The following URGCP variants were observed in gnomAD, a reference collection of about 807,000 sequenced individuals.
The protein encoded by URGCP is up-regulator of cell proliferation.
URGCP carries 13 observed loss-of-function variants against 24.6 expected under a neutral mutation model. That is an observed-to-expected ratio of 0.53 (90% CI 0.34 to 0.84). The LOEUF is 0.84. URGCP is among the 40% of genes least tolerant of loss of function. The pLI, the probability that URGCP is intolerant of heterozygous loss-of-function variation, is 0.01. For synonymous variants in URGCP, 444 were observed against 487.2 expected, an observed-to-expected ratio of 0.91 and a Z score of 1.17; for missense variants, 899 against 1,194.3, an observed-to-expected ratio of 0.75 and a Z score of 3.64.
intron 1 of URGCP, among the ~76,000 whole-genome samples, chr7:43,924,459 CATAA>C (rs1349639040): frequency 6.6e-6 from 1 of 152,134 alleles, no homozygotes; most frequent in African/African-American, 2.4e-5. Context: ...ATTATTAGCA[CATAA>C]ATAACCATTT....
In URGCP at chr7:43,878,158, A is replaced by G; in HGVS notation, c.1305T>C (p.Val435=). ...DSFVKRIRAI[V]GNVLRAPCRR... is the part of the protein sequence containing the mutation. Reference sequence around the variant, plus strand: ...TGCAGGGTGCCCGCAGCACATTCCCAACGATGGCCCGGATCCTCTTCACGA... The same window carrying G: ...TGCAGGGTGCCCGCAGCACATTCCCGACGATGGCCCGGATCCTCTTCACGA... The change falls in exon 6 of 6, where the codon GTT becomes GTC. Residue 435 remains valine, a synonymous_variant. Coordinates refer to ENST00000453200, the MANE Select transcript of URGCP (RefSeq NM_001077663.3). The surrounding 1 kb of genome is among the most constrained non-coding windows in gnomAD (Gnocchi z 5.6). 1.2e-6 allele frequency: 2 copies of G among 1,614,170 alleles called. No homozygotes were observed. The highest frequency in any genetic ancestry group is 1.7e-6 in the Non-Finnish European group (2 of 1,180,026).
At chr7:43,883,362 A>ATATATAT (rs1554289259) in intron 3 of URGCP, among the ~76,000 whole-genome samples, 22 of 88,286 alleles carry the variant, frequency 2.5e-4, no homozygotes, top group African/African-American at 1.1e-3. Flanking sequence ...ATATATATAT[A>ATATATAT]TTTTTTTTTT....
At chr7:43,894,543 T>C (rs1308441335) in intron 1 of URGCP, among the ~76,000 whole-genome samples, 1 of 151,894 alleles carries the variant, frequency 6.6e-6, no homozygotes, top group African/African-American at 2.4e-5. Context: ...TTATTTTTTT[T>C]AGAGATGGGG....
intron 3 of URGCP, among the ~76,000 whole-genome samples, chr7:43,886,101 A>C (rs1353436231): frequency 1.3e-5 from 2 of 152,220 alleles, no homozygotes; most frequent in Non-Finnish European, 2.9e-5. Flanking sequence ...CAATGCTTAC[A>C]ACAATGTTAG....
intron 1 of URGCP, among the ~76,000 whole-genome samples, chr7:43,894,498 G>A (rs559356792): frequency 6.6e-6 from 1 of 152,144 alleles, no homozygotes; most frequent in South Asian, 2.1e-4. Flanking sequence ...AACTACAGGT[G>A]CATGCCACCA....
chr7:43,897,729 G>A lies in URGCP; in HGVS notation c.14+8833C>T, dbSNP rs1585817064. Among the ~76,000 whole-genome samples, 6 of 152,228 alleles carry A rather than the reference G, an allele frequency of 3.9e-5. No homozygotes were observed. In the South Asian group the frequency reaches 1.2e-3, roughly 32 times the overall value. On this transcript the variant is annotated intron_variant, in intron 1 of 5. Transcript: ENST00000453200. ...GCTGCCAGGCTGAGAATAGACAAGGGATCACAAACGCTCCATTATCTAGCC... is the reference window on the plus strand; with the variant it reads ...GCTGCCAGGCTGAGAATAGACAAGGAATCACAAACGCTCCATTATCTAGCC...
intron 1 of URGCP, chr7:43,889,513 AGT>A (rs2132672661): frequency 6.6e-6 from 1 of 152,378 alleles, no homozygotes; most frequent in South Asian, 2.1e-4. Flanking sequence ...AGCTCTCTGC[AGT>A]GCAGTTTTTG....
At chr7:43,919,008 G>GA (rs2095918968) in intron 1 of URGCP, 2 of 1,196,822 alleles carry the variant, frequency 1.7e-6, no homozygotes, top group Non-Finnish European at 2.5e-6. Flanking sequence ...CAACAACTGG[G>GA]CCAGCAGATT....
chr7:43,915,430 A>T (rs1166051981), intron 1 of URGCP, among the ~76,000 whole-genome samples: 1 of 152,112 alleles, frequency 6.6e-6, no homozygotes, highest in Non-Finnish European at 1.5e-5. Flanking sequence ...CCTTGGTCCA[A>T]CTCAGCCTTT....
intron 3 of URGCP, among the ~76,000 whole-genome samples, chr7:43,887,015 C>A (rs531446730): frequency 6.6e-5 from 10 of 152,184 alleles, no homozygotes; most frequent in Admixed American, 2.0e-4. Flanking sequence ...CATTACATCC[C>A]TTTCACTCTC....
chr7:43,903,104 T>A (rs2095894328), intron 1 of URGCP, among the ~76,000 whole-genome samples: 1 of 131,948 alleles, frequency 7.6e-6, no homozygotes, highest in Non-Finnish European at 1.6e-5. Context: ...GGCAACATAA[T>A]GAGACCCCCA....
chr7:43,919,247 G>A, intron 1 of URGCP: 1 of 830,574 alleles, frequency 1.2e-6, no homozygotes, highest in Admixed American at 1.7e-5. Flanking sequence ...TGGTGGTCCA[G>A]CTTTATAATT....
intron 1 of URGCP, chr7:43,919,077 G>T (rs935344215): frequency 2.7e-5 from 26 of 951,906 alleles, no homozygotes; most frequent in Non-Finnish European, 4.0e-5. Flanking sequence ...GGAGGCAGAT[G>T]GTAGTGACAA....
At chr7:43,918,091 T>C (rs936901316) in intron 1 of URGCP, among the ~76,000 whole-genome samples, 1 of 151,830 alleles carries the variant, frequency 6.6e-6, no homozygotes, top group South Asian at 2.1e-4. Context: ...CTGGGCAACA[T>C]GGCGAAACCC....
intron 1 of URGCP, among the ~76,000 whole-genome samples, chr7:43,890,462 C>A (rs368938272): frequency 5.3e-5 from 8 of 152,014 alleles, no homozygotes; most frequent in African/African-American, 1.2e-4. Context: ...GTGATCCACC[C>A]GCCTCAGCCT....
intron 3 of URGCP, 67 bp from the exon 4 acceptor site, chr7:43,882,024 T>G (rs2095854671): frequency 1.2e-6 from 2 of 1,609,068 alleles, no homozygotes; most frequent in South Asian, 1.1e-5. Flanking sequence ...TGTCAAAAAT[T>G]TCAAGTGCTC....
At chr7:43,926,504 G>C (rs758158394), upstream of URGCP, 1 of 1,510,252 alleles carries the variant, frequency 6.6e-7, no homozygotes, top group South Asian at 1.3e-5. Flanking sequence ...CCCCGGCCGG[G>C]CCGCCCGGGT....
At chr7:43,899,170 T>C (rs2095884958) in intron 1 of URGCP, among the ~76,000 whole-genome samples, 1 of 147,642 alleles carries the variant, frequency 6.8e-6, no homozygotes, top group African/African-American at 2.5e-5. Flanking sequence ...AAAATTTTTA[T>C]ATAAATATAT....
intron 2 of URGCP, 60 bp downstream of exon 2, chr7:43,887,730 C>G (rs2095864182): frequency 6.5e-7 from 1 of 1,537,862 alleles, no homozygotes; most frequent in South Asian, 1.2e-5. Context: ...CCAGCACTCT[C>G]CAAAACTGCT....
Sources: allele counts gnomAD v4.1 joint callset (sites outside exome capture counted in the v4.1 genomes callset), GRCh38; gene constraint gnomAD v4.1.1; non-coding constraint Gnocchi (gnomAD v3.1); transcripts MANE v1.5; gene names NCBI Gene and HGNC (gene_info 2026-07-23, HGNC 2026-07-21).